PLAT: variants seen among roughly 807,000 people sequenced by gnomAD.
PLAT encodes the protein plasminogen activator, tissue type.
In PLAT, 48 loss-of-function variants were observed where a neutral mutation model predicts 74.9. That is an observed-to-expected ratio of 0.64 (90% CI 0.51 to 0.82). The LOEUF is 0.82. PLAT is among the 40% of genes least tolerant of loss of function. The pLI is 0.00. For missense variants in PLAT, 673 were observed against 736.2 expected, an observed-to-expected ratio of 0.91 and a Z score of 0.99; for synonymous variants, 307 against 294.4, an observed-to-expected ratio of 1.04 and a Z score of -0.44.
At chr8:42,191,605 G>A (rs900178753) in intron 2 of PLAT, among the ~76,000 whole-genome samples, 191 bp from the exon 3 acceptor site, 4 of 152,200 alleles carry the variant, frequency 2.6e-5, no homozygotes, top group South Asian at 4.2e-4. Context: ...TTCCTGACTG[G>A]CTCTGTCCAG....
intron 6 of PLAT, chr8:42,186,619 G>A (rs1805467723): frequency 6.6e-6 from 1 of 152,176 alleles, no homozygotes. Context: ...TCACGGGGGT[G>A]TCCTTAACCT....
At chr8:42,193,935 C>T (rs1274714224) in intron 1 of PLAT, among the ~76,000 whole-genome samples, 1 of 151,310 alleles carries the variant, frequency 6.6e-6, no homozygotes, top group Non-Finnish European at 1.5e-5. Flanking sequence ...AGGATGGTCT[C>T]GATCTCCTGA....
chr8:42,180,108 G>T, intron 11 of PLAT, 42 bp from the exon 12 acceptor site: 1 of 1,591,010 alleles, frequency 6.3e-7, no homozygotes, highest in South Asian at 1.1e-5. Flanking sequence ...TGAGGGCCGC[G>T]TCCCCGGGAG....
In PLAT at chr8:42,207,492, ACCACGG is replaced by A. The variant is rs1288034592; in HGVS notation, c.-31_-27+1del. 1 of 152,290 alleles carries A rather than the reference ACCACGG, an allele frequency of 6.6e-6. No individual in the cohort carries two copies. Among genetic ancestry groups the A allele is most frequent in the African/African-American group, 2.4e-5 (1 of 41,448 alleles). 9.4% of individuals were successfully genotyped at this position (152,290 alleles called of 1,614,324 possible). A position where few individuals can be genotyped will look rare whatever the true frequency, so the allele number is the denominator to read the frequency against. Reference sequence around the variant, plus strand: ...ACCCCAAGGTACAGAAACCCGACCTACCACGGCTTGCTCCTTCCCTTTCCTCGCAGA... The same window carrying A: ...ACCCCAAGGTACAGAAACCCGACCTACTTGCTCCTTCCCTTTCCTCGCAGA... On this transcript the variant is annotated splice_donor_variant and 5_prime_UTR_variant, in exon 1 of 14. Coordinates refer to ENST00000220809, the MANE Select transcript of PLAT (RefSeq NM_000930.5). LOFTEE classifies it low-confidence loss of function (5UTR_SPLICE).
Position 42,178,867 on chromosome 8 carries a change from G to A in PLAT, c.1530+30C>T, listed in dbSNP as rs547475202. 11 of 1,608,256 alleles carry A rather than the reference G, an allele frequency of 6.8e-6. No homozygotes were observed. In the South Asian group the frequency reaches 9.9e-5, roughly 15 times the overall value. On this transcript the variant is annotated intron_variant, in intron 13 of 13. Coordinates refer to ENST00000220809, the MANE Select transcript of PLAT (RefSeq NM_000930.5). Reference sequence around the variant, plus strand: ...CCAGGGGCATTCTCCCCTGGGTTGTGCCCAGCATGGGCGCGCCACTCCTGG... The same window carrying A: ...CCAGGGGCATTCTCCCCTGGGTTGTACCCAGCATGGGCGCGCCACTCCTGG...
At chr8:42,189,214 A>C in intron 3 of PLAT, 143 bp from the exon 4 acceptor site, 1 of 802,528 alleles carries the variant, frequency 1.2e-6, no homozygotes, top group Non-Finnish European at 2.0e-6. Context: ...CACAACTGGA[A>C]GACAACAAGA....
chr8:42,197,996 G>A (rs1175867229), intron 1 of PLAT, among the ~76,000 whole-genome samples: 2 of 152,086 alleles, frequency 1.3e-5, no homozygotes, highest in Non-Finnish European at 2.9e-5. Flanking sequence ...TATAAACTGG[G>A]AAACTCTTAC....
intron 7 of PLAT, among the ~76,000 whole-genome samples, chr8:42,183,925 T>TAC (rs911330223): frequency 2.6e-5 from 4 of 151,782 alleles, no homozygotes; most frequent in African/African-American, 7.3e-5. Flanking sequence ...CATATATATA[T>TAC]ACACACACCC....
intron 1 of PLAT, among the ~76,000 whole-genome samples, chr8:42,195,286 C>T (rs1348176744): frequency 6.6e-6 from 1 of 152,200 alleles, no homozygotes; most frequent in Non-Finnish European, 1.5e-5. Context: ...CTGACAGATT[C>T]TCCCCGGGCT....
Position 42,193,165 on chromosome 8 carries a change from C to A in PLAT, c.21G>T (p.Gly7=). 6.2e-7 allele frequency: 1 copy of A among 1,613,912 alleles called. No individual in the cohort carries two copies. Among genetic ancestry groups the A allele is most frequent in the Non-Finnish European group, 8.5e-7 (1 of 1,179,860 alleles). The change falls in exon 2 of 14, where the codon GGG becomes GGT. Residue 7 remains glycine (G), a synonymous_variant. Transcript: ENST00000220809. ...CACACAGCAGCAGCACACAGCAGAG[C>A]CCTCTCTTCATTGCATCCATGATTG... MDAMKR[G]LCCVLLLCGA...
At chr8:42,205,378 T>G (rs1440692446) in intron 1 of PLAT, among the ~76,000 whole-genome samples, 2 of 152,120 alleles carry the variant, frequency 1.3e-5, no homozygotes, top group Non-Finnish European at 2.9e-5. Flanking sequence ...AATACAAAAA[T>G]TAACCAGGTG....
intron 13 of PLAT, 70 bp downstream of exon 13, chr8:42,178,827 G>T: frequency 1.4e-6 from 2 of 1,442,640 alleles, no homozygotes; most frequent in South Asian, 1.3e-5. Flanking sequence ...TTTCTTTGGT[G>T]AAGAACCTGT....
At chr8:42,202,487 G>A (rs942944032) in intron 1 of PLAT, among the ~76,000 whole-genome samples, 4 of 151,986 alleles carry the variant, frequency 2.6e-5, no homozygotes, top group Admixed American at 6.6e-5. Context: ...TCCTCCCAGC[G>A]CCTACCAGAC....
Position 42,189,088 on chromosome 8 carries a change from G to T in PLAT, c.116-17C>A. The T allele has an allele frequency of 6.2e-7, 1 of 1,609,834 alleles. No individual in the cohort carries two copies. ...TGCAGATCACTATGAGAAAAGACAGGCCAGCCTCATCAGAGTATGACTCAA... is the reference window on the plus strand; with the variant it reads ...TGCAGATCACTATGAGAAAAGACAGTCCAGCCTCATCAGAGTATGACTCAA... On this transcript the variant is annotated splice_polypyrimidine_tract_variant and intron_variant, in intron 3 of 13. Transcript: ENST00000220809.
rs151309749 is a variant in PLAT, at chr8:42,182,079, T to C, written c.804-57A>G. 4.8e-5 allele frequency: 54 copies of C among 1,116,396 alleles called. No homozygotes were observed. In the African/African-American group the frequency reaches 7.0e-4, roughly 14 times the overall value. The allele number at this position is 1,116,396 out of a possible 1,614,324, so 69.2% of individuals were successfully genotyped here. A position where few individuals can be genotyped will look rare whatever the true frequency, so the allele number is the denominator to read the frequency against. ...TTATCTTCTTATTTTTTAATTTTTG[T>C]AGAGATGGGGTCTTGCCATGTTGCC... On this transcript the variant is annotated intron_variant, in intron 8 of 13. Transcript: ENST00000220809.
intron 12 of PLAT, among the ~76,000 whole-genome samples, 157 bp downstream of exon 12, chr8:42,179,769 G>A (rs1228105001): frequency 6.6e-6 from 1 of 152,204 alleles, no homozygotes; most frequent in Non-Finnish European, 1.5e-5. Flanking sequence ...GGCAGAGACA[G>A]CAGAGACGGG....
chr8:42,178,264 C>CTTTTTTTTT (rs5891180), intron 13 of PLAT, among the ~76,000 whole-genome samples: 66 of 109,986 alleles, frequency 6.0e-4, no homozygotes, highest in Middle Eastern at 5.3e-3. Context: ...ACATTTCTTT[C>CTTTTTTTTT]TTTTTTTTTT....
chr8:42,192,748 G>C (rs999570389), intron 2 of PLAT, among the ~76,000 whole-genome samples: 2 of 152,068 alleles, frequency 1.3e-5, no homozygotes, highest in Non-Finnish European at 2.9e-5. Context: ...TATCCTTGGG[G>C]GTCCTGGAAC....
intron 1 of PLAT, among the ~76,000 whole-genome samples, chr8:42,202,203 A>G (rs540737117): frequency 8.0e-6 from 1 of 124,910 alleles, no homozygotes; most frequent in Non-Finnish European, 1.7e-5. Context: ...TTTTTTTTTC[A>G]TTTTTTTGTA....
Sources: allele counts gnomAD v4.1 joint callset (sites outside exome capture counted in the v4.1 genomes callset), GRCh38; gene constraint gnomAD v4.1.1; transcripts MANE v1.5; gene names NCBI Gene and HGNC (gene_info 2026-07-23, HGNC 2026-07-21).